Variants in BNC2 observed in about 807,000 individuals in gnomAD.
BNC2 encodes the protein zinc finger protein basonuclin-2.
Under a neutral mutation model 76.3 loss-of-function variants are expected in BNC2, and 20 were observed. The ratio of observed to expected loss-of-function variants is 0.26; its 90% CI spans 0.18 to 0.38. The LOEUF (loss-of-function observed/expected upper bound fraction) is 0.38. Among genes scored for constraint, BNC2 ranks in the 10% least tolerant of loss-of-function variants. BNC2 has a pLI of 1.00. For synonymous variants in BNC2, 582 were observed against 514.8 expected (o/e 1.13, Z -1.77); for missense variants, 1,382 against 1,399.8 (o/e 0.99, Z 0.20).
intron 3 of BNC2, among the ~76,000 whole-genome samples, chr9:16,715,060 T>A (rs1823958349): frequency 6.6e-6 from 1 of 152,164 alleles, no homozygotes; most frequent in Non-Finnish European, 1.5e-5. Flanking sequence ...GCTTGGTAAA[T>A]TATAGCAATC....
intron 4 of BNC2, among the ~76,000 whole-genome samples, chr9:16,564,172 G>C (rs1285464909): frequency 6.6e-6 from 1 of 152,172 alleles, no homozygotes. Flanking sequence ...TAAAGACAGA[G>C]TCTCTAGGGC....
intron 1 of BNC2, among the ~76,000 whole-genome samples, chr9:16,747,741 C>T (rs986036220): frequency 2.0e-5 from 3 of 152,172 alleles, no homozygotes; most frequent in Non-Finnish European, 2.9e-5. Flanking sequence ...TTAAGCAGGA[C>T]ATATCTTTCT....
At chr9:16,842,485 G>T (rs984435636) in intron 1 of BNC2, among the ~76,000 whole-genome samples, 1 of 152,096 alleles carries the variant, frequency 6.6e-6, no homozygotes, top group African/African-American at 2.4e-5. Context: ...GGCTGGGGAG[G>T]GAGAATGGAG....
chr9:16,657,391 A>T (rs371268951), intron 3 of BNC2, among the ~76,000 whole-genome samples: 1 of 152,100 alleles, frequency 6.6e-6, no homozygotes, highest in Non-Finnish European at 1.5e-5. Flanking sequence ...AGAAATAAGT[A>T]AAAAAAACAG....
chr9:16,440,192 T>C (rs1415639796), intron 5 of BNC2, among the ~76,000 whole-genome samples: 1 of 152,158 alleles, frequency 6.6e-6, no homozygotes, highest in African/African-American at 2.4e-5. Context: ...AGATAGGTTG[T>C]TAAGGCTGTC....
At chr9:16,457,556 T>C (rs140232163) in intron 5 of BNC2, among the ~76,000 whole-genome samples, 264 of 152,280 alleles carry the variant, frequency 1.7e-3, no homozygotes, top group Admixed American at 0.013. Flanking sequence ...AGCATTAAAT[T>C]GTGACAACAG....
chr9:16,664,547 T>A (rs1822209285), intron 3 of BNC2, among the ~76,000 whole-genome samples: 1 of 152,146 alleles, frequency 6.6e-6, no homozygotes, highest in Non-Finnish European at 1.5e-5. Flanking sequence ...AGGAAGCAAC[T>A]ACAACTTCAG....
At chr9:16,735,407 A>ACC (rs200275739) in intron 2 of BNC2, among the ~76,000 whole-genome samples, 1 of 128,172 alleles carries the variant, frequency 7.8e-6, no homozygotes, top group Non-Finnish European at 1.5e-5. Flanking sequence ...AAAAAAAAAA[A>ACC]AAAAAAAAAA....
chr9:16,743,018 C>A (rs535250434), intron 1 of BNC2, among the ~76,000 whole-genome samples: 2 of 152,316 alleles, frequency 1.3e-5, no homozygotes, highest in African/African-American at 4.8e-5. Context: ...AAAATCCCCA[C>A]ACCCTGAAAA....
At chr9:16,831,150 T>C (rs1051384694) in intron 1 of BNC2, among the ~76,000 whole-genome samples, 4 of 152,358 alleles carry the variant, frequency 2.6e-5, no homozygotes, top group African/African-American at 9.6e-5. Context: ...ATCTGTGTAT[T>C]TGCAATTATT....
At chr9:16,596,391 C>T (rs1291564610) in intron 3 of BNC2, among the ~76,000 whole-genome samples, 1 of 152,036 alleles carries the variant, frequency 6.6e-6, no homozygotes, top group Non-Finnish European at 1.5e-5. Context: ...TACACATATA[C>T]ATTCATATTT....
chr9:16,442,182 T>A (rs1821142331), intron 5 of BNC2, among the ~76,000 whole-genome samples: 6 of 152,234 alleles, frequency 3.9e-5, no homozygotes, highest in Admixed American at 3.3e-4. Context: ...GTTATTATCA[T>A]AAGTGTTGAT....
At chr9:16,762,931 C>A (rs1187464699) in intron 1 of BNC2, among the ~76,000 whole-genome samples, 1 of 152,094 alleles carries the variant, frequency 6.6e-6, no homozygotes, top group Admixed American at 6.6e-5. Context: ...AGATCAAAGG[C>A]AGATAGATAC....
intron 5 of BNC2, among the ~76,000 whole-genome samples, chr9:16,512,960 A>T (rs1013883671): frequency 7.2e-5 from 11 of 151,954 alleles, no homozygotes; most frequent in African/African-American, 2.4e-4. Context: ...ACATGGTGAA[A>T]CCCGTCTCCA....
chr9:16,668,118 A>C (rs1312813733), intron 3 of BNC2, among the ~76,000 whole-genome samples: 1 of 152,204 alleles, frequency 6.6e-6, no homozygotes, highest in African/African-American at 2.4e-5. Flanking sequence ...GCTCCCATGG[A>C]AAGACCAGCT....
chr9:16,591,642 G>A (rs1273684267), intron 3 of BNC2, among the ~76,000 whole-genome samples: 1 of 152,006 alleles, frequency 6.6e-6, no homozygotes, highest in African/African-American at 2.4e-5. Context: ...AATGTTAAGG[G>A]TCCACAAGCA....
At chr9:16,514,761 C>T (rs532024827) in intron 5 of BNC2, among the ~76,000 whole-genome samples, 109 of 152,228 alleles carry the variant, frequency 7.2e-4, no homozygotes, top group Admixed American at 1.2e-3. Flanking sequence ...AAGGGATCCA[C>T]GTCTCGATGA....
intron 1 of BNC2, among the ~76,000 whole-genome samples, chr9:16,817,915 T>G (rs1818222749): frequency 6.6e-6 from 1 of 152,172 alleles, no homozygotes. Context: ...GGAAGCAATA[T>G]GACAATGTAC....
In BNC2 at chr9:16,639,114, A is replaced by G. The variant is rs546881496; in HGVS notation, c.331-56029T>C. Among the ~76,000 whole-genome samples, 5 of 152,310 alleles carry G rather than the reference A, an allele frequency of 3.3e-5. No homozygotes were observed. In the South Asian group the frequency reaches 8.3e-4, roughly 25 times the overall value. On this transcript the variant is annotated intron_variant, in intron 3 of 6. Coordinates refer to ENST00000380672, the MANE Select transcript of BNC2 (RefSeq NM_017637.6). ...GAAACTTTTCCTTAATGTGAACTTA[A>G]TAAGTTTGAGGTTATCAAAAAAATT...
Sources: allele counts gnomAD v4.1 joint callset (sites outside exome capture counted in the v4.1 genomes callset), GRCh38; gene constraint gnomAD v4.1.1; transcripts MANE v1.5; gene names NCBI Gene and HGNC (gene_info 2026-07-23, HGNC 2026-07-21).